CALN1: variants seen among roughly 807,000 people sequenced by gnomAD.
CALN1 encodes calneuron 1.
A neutral mutation model predicts 30.6 loss-of-function variants in CALN1; 17 were observed. That is an observed-to-expected ratio of 0.56 (90% confidence interval 0.38 to 0.83). The LOEUF (loss-of-function observed/expected upper bound fraction) is 0.83. Ranked by LOEUF, CALN1 falls within the 40% of genes least tolerant of loss-of-function variation. The pLI is 0.00. For synonymous variants in CALN1, 156 were observed against 131.4 expected (o/e 1.19, Z -1.28); for missense variants, 291 against 354.9 (o/e 0.82, Z 1.45).
chr7:72,500,760 T>C, the CALN1 span, among the ~76,000 whole-genome samples: 1 of 152,206 alleles, frequency 6.6e-6, no homozygotes, highest in Non-Finnish European at 1.5e-5. Flanking sequence ...AATGTTATTA[T>C]CTTATTCTTT....
In CALN1 at chr7:71,786,787, T is replaced by G. The variant is rs977744319; in HGVS notation, c.*988A>C. ...TAGAGACGTGGTGGGTCTCCATGAC[T>G]CCAGATGGCTGGGTGTGGGTATCAA... On this transcript the variant is annotated 3_prime_UTR_variant, in exon 7 of 7. Coordinates refer to ENST00000395275, the MANE Select transcript of CALN1 (RefSeq NM_031468.4). 1 of 152,178 alleles carries G rather than the reference T, an allele frequency of 6.6e-6. No homozygotes were observed. The highest frequency in any genetic ancestry group is 1.9e-4 in the East Asian group (1 of 5,164). 9.4% of individuals were successfully genotyped at this position (152,178 alleles called of 1,614,324 possible). A position where few individuals can be genotyped will look rare whatever the true frequency, so the allele number is the denominator to read the frequency against.
intron 3 of CALN1, among the ~76,000 whole-genome samples, chr7:72,228,739 ATATTTATT>A (rs112888645): frequency 0.2 from 30,442 of 149,188 alleles, 4,271 homozygotes; most frequent in East Asian, 0.43. Flanking sequence ...CCTTATTTAT[ATATTTATT>A]TATTTATTTA....
chr7:71,806,242 G>A (rs1397085993), intron 6 of CALN1, among the ~76,000 whole-genome samples: 2 of 120,252 alleles, frequency 1.7e-5, no homozygotes, highest in African/African-American at 4.2e-5. Flanking sequence ...GTGCACATGT[G>A]CACGCATGCA....
intron 4 of CALN1, among the ~76,000 whole-genome samples, chr7:72,043,353 G>A (rs1385258452): frequency 6.6e-6 from 1 of 152,120 alleles, no homozygotes. Flanking sequence ...TTTCCCAGGG[G>A]AGCAGAACAA....
chr7:72,460,895 C>G, the CALN1 span, among the ~76,000 whole-genome samples: 1 of 152,146 alleles, frequency 6.6e-6, no homozygotes, highest in Non-Finnish European at 1.5e-5. Context: ...ACAGCTTTTC[C>G]TTCTTGAATC....
At chr7:72,025,974 G>A (rs1801027481) in intron 4 of CALN1, among the ~76,000 whole-genome samples, 1 of 152,156 alleles carries the variant, frequency 6.6e-6, no homozygotes, top group South Asian at 2.1e-4. Flanking sequence ...AATGGGAAAG[G>A]GAGGATTTAA....
chr7:71,969,734 TTA>T (rs1226595720), intron 5 of CALN1, among the ~76,000 whole-genome samples: 1 of 152,112 alleles, frequency 6.6e-6, no homozygotes, highest in African/African-American at 2.4e-5. Flanking sequence ...TTTAAATATT[TTA>T]TGAGTTGTCA....
At chr7:72,298,306 C>T (rs982966550) in intron 2 of CALN1, among the ~76,000 whole-genome samples, 1 of 152,168 alleles carries the variant, frequency 6.6e-6, no homozygotes, top group African/African-American at 2.4e-5. Flanking sequence ...TTTGTTGTGG[C>T]ACAAAAGCCA....
chr7:71,989,616 A>G (rs2129527726), intron 5 of CALN1, among the ~76,000 whole-genome samples: 1 of 152,334 alleles, frequency 6.6e-6, no homozygotes, highest in East Asian at 1.9e-4. Context: ...AAACCAAGAT[A>G]GATAACCTTT....
At chr7:72,254,584 C>A (rs1241279627) in intron 3 of CALN1, among the ~76,000 whole-genome samples, 1 of 152,002 alleles carries the variant, frequency 6.6e-6, no homozygotes, top group East Asian at 1.9e-4. Context: ...ACATTATAAT[C>A]AAAAACAGTG....
At chr7:72,434,555 G>A (rs184276881) in intron 1 of CALN1, among the ~76,000 whole-genome samples, 17 of 149,476 alleles carry the variant, frequency 1.1e-4, no homozygotes, top group Non-Finnish European at 2.1e-4. Context: ...GAGAAGGAGG[G>A]GAAGAGGAAG....
intron 5 of CALN1, among the ~76,000 whole-genome samples, chr7:71,939,782 C>T (rs923625807): frequency 1.3e-5 from 2 of 152,016 alleles, no homozygotes; most frequent in African/African-American, 4.8e-5. Context: ...ACAGAGGATA[C>T]CTAGGGGTAG....
At chr7:72,325,324 G>A (rs1392828108) in intron 2 of CALN1, among the ~76,000 whole-genome samples, 1 of 152,010 alleles carries the variant, frequency 6.6e-6, no homozygotes, top group Non-Finnish European at 1.5e-5. Flanking sequence ...ATGCTGTCCG[G>A]GTGCAGTGGC....
intron 4 of CALN1, among the ~76,000 whole-genome samples, chr7:72,044,630 G>C (rs973767700): frequency 1.2e-4 from 5 of 40,926 alleles, no homozygotes; most frequent in Non-Finnish European, 2.6e-4. Context: ...TTTTTTTTTT[G>C]AGGCAGAGTG....
chr7:71,999,932 A>C (rs1165636930), intron 5 of CALN1, among the ~76,000 whole-genome samples: 1 of 152,186 alleles, frequency 6.6e-6, no homozygotes, highest in African/African-American at 2.4e-5. Context: ...CCTGGCCATA[A>C]TGAAATCAAA....
chr7:72,501,948 T>TATATATATAC, the CALN1 span, among the ~76,000 whole-genome samples: 24 of 72,350 alleles, frequency 3.3e-4, 1 homozygote, highest in African/African-American at 1.6e-3. Context: ...TATATATATA[T>TATATATATAC]ACACACATAT....
chr7:72,336,798 G>A (rs1043875062), intron 2 of CALN1: 1 of 985,002 alleles, frequency 1.0e-6, no homozygotes, highest in Non-Finnish European at 1.2e-6. Context: ...GGGGCGGTGC[G>A]GAATGGATGC....
At chr7:71,843,092 G>A (rs768933385) in intron 5 of CALN1, among the ~76,000 whole-genome samples, 1 of 152,132 alleles carries the variant, frequency 6.6e-6, no homozygotes. Flanking sequence ...CTCCAAATAA[G>A]AAATGTAGGT....
At chr7:71,845,518 C>T (rs755476333) in intron 5 of CALN1, among the ~76,000 whole-genome samples, 3 of 152,172 alleles carry the variant, frequency 2.0e-5, no homozygotes, top group African/African-American at 4.8e-5. Context: ...TTCTACTTTG[C>T]CCTCTGCTGT....
Sources: gnomAD v4.1 joint callset for allele counts (sites outside exome capture counted in the v4.1 genomes callset) on GRCh38, gnomAD v4.1.1 for gene constraint, MANE v1.5 for transcripts, NCBI Gene and HGNC (gene_info 2026-07-23, HGNC 2026-07-21) for gene names.